SAMD11: variants seen among roughly 807,000 people sequenced by gnomAD.
SAMD11 encodes the protein sterile alpha motif domain-containing protein 11.
SAMD11 carries 77 observed loss-of-function variants against 64.4 expected under a neutral mutation model. The ratio of observed to expected loss-of-function variants is 1.20; its 90% CI spans 0.99 to 1.44. The LOEUF (loss-of-function observed/expected upper bound fraction) is 1.44, where lower values mean the gene tolerates loss of function less well. Among genes scored for constraint, SAMD11 ranks in the 40% most tolerant of loss-of-function variants. The pLI is 0.00. For missense variants in SAMD11, 1,402 were observed against 943.3 expected (o/e 1.49, Z -6.37); for synonymous variants, 658 against 421.9 (o/e 1.56, Z -6.86).
intron 2 of SAMD11, among the ~76,000 whole-genome samples, chr1:929,072 C>T (rs533317162): frequency 2.0e-5 from 3 of 152,366 alleles, no homozygotes; most frequent in African/African-American, 2.4e-5. Flanking sequence ...AAAAAAGCCT[C>T]CCGCCCACTG....
Position 944,171 on chromosome 1 carries a change from G to A in SAMD11, c.*18G>A, listed in dbSNP as rs748509066. ...TGTGTTGAGGTTGCCGGGGGTAGGG[G>A]TGGGGCCACACAAATCTCCAGGAGC... On this transcript the variant is annotated 3_prime_UTR_variant, in exon 14 of 14. Transcript: ENST00000616016. 1.3e-6 allele frequency: 2 copies of A among 1,525,058 alleles called. No individual in the cohort carries two copies. The highest frequency in any genetic ancestry group is 1.8e-6 in the Non-Finnish European group (2 of 1,136,088). 94.5% of individuals were successfully genotyped at this position (1,525,058 alleles called of 1,614,324 possible).
intron 7 of SAMD11, 165 bp downstream of exon 7, chr1:939,577 G>T (rs892196205): frequency 2.1e-4 from 72 of 341,586 alleles, no homozygotes; most frequent in Non-Finnish European, 2.9e-4. Flanking sequence ...AGGTCCCTCT[G>T]CCACACGTCC....
Position 942,238 on chromosome 1 carries a change from G to C in SAMD11, c.1461G>C (p.Leu487=). Reference sequence around the variant, plus strand: ...CCTTCCTGGGGGTGCCCTCGGCTCTGTGCCAGACCCCAGGTGAGGAGGCGG... The same window carrying C: ...CCTTCCTGGGGGTGCCCTCGGCTCTCTGCCAGACCCCAGGTGAGGAGGCGG... ...RPPFLGVPSA[L]CQTPGYGFLP... The change falls in exon 9 of 14, where the codon CTG becomes CTC. Residue 487 remains leucine (L), a synonymous_variant. Transcript: ENST00000616016. 7.5e-7 allele frequency: 1 copy of C among 1,335,492 alleles called. No homozygotes were observed. The highest frequency in any genetic ancestry group is 9.7e-7 in the Non-Finnish European group (1 of 1,029,334). The allele number at this position is 1,335,492 out of a possible 1,614,324, so 82.7% of individuals were successfully genotyped here.
At chr1:932,874 C>T (rs1049327846) in intron 4 of SAMD11, among the ~76,000 whole-genome samples, 5 of 152,224 alleles carry the variant, frequency 3.3e-5, no homozygotes, top group Non-Finnish European at 5.9e-5. Flanking sequence ...TGTTTGCAGG[C>T]GGGGGCTTGG....
At position 942,227 on chromosome 1, in the gene SAMD11, C is replaced by T. The variant is rs758954572; in HGVS notation, c.1450C>T (p.Pro484Ser). 8.1e-6 allele frequency: 11 copies of T among 1,351,278 alleles called. No individual in the cohort carries two copies. The highest frequency in any genetic ancestry group is 5.7e-5 in the East Asian group (2 of 35,172). The allele number at this position is 1,351,278 out of a possible 1,614,324, so 83.7% of individuals were successfully genotyped here. A position where few individuals can be genotyped will look rare whatever the true frequency, so the allele number is the denominator to read the frequency against. The change falls in exon 9 of 14, where the codon CCC becomes TCC. Residue 484 changes from proline to serine, a missense_variant. Pro to Ser is a moderately conservative substitution (Grantham distance 74). Transcript: ENST00000616016. Reference sequence around the variant, plus strand: ...TCTCAGGCCCCCCTTCCTGGGGGTGCCCTCGGCTCTGTGCCAGACCCCAGG... The same window carrying T: ...TCTCAGGCCCCCCTTCCTGGGGGTGTCCTCGGCTCTGTGCCAGACCCCAGG... ...PHLRPPFLGV[P>S]SALCQTPGYG...
chr1:941,144 A>C lies in SAMD11; in HGVS notation c.1196A>C (p.Asp399Ala). The C allele has an allele frequency of 6.3e-7, 1 of 1,596,940 alleles. No individual in the cohort carries two copies. Residue 399 changes from aspartate to alanine, a missense_variant and splice_region_variant, in exon 8 of 14, where the codon GAT (aspartate) becomes GCT (alanine). Coordinates refer to ENST00000616016, the MANE Select transcript of SAMD11 (RefSeq NM_001385641.1). ...RLYHLGLPSH[D>A]LLRVRQEVAA... ...ATCACTGCTGTTGTCCCCCACCCAG[A>C]TCTCCTGAGGGTCCGGCAGGAGGTG...
At chr1:931,146 C>T (rs1641150836) in intron 4 of SAMD11, 57 bp downstream of exon 4, 11 of 1,522,764 alleles carry the variant, frequency 7.2e-6, no homozygotes, top group Admixed American at 1.7e-5. Flanking sequence ...CCCTCCCTCC[C>T]ACCCCTGACC....
At chr1:937,399 C>A (rs1249248279) in intron 5 of SAMD11, among the ~76,000 whole-genome samples, 1 of 30,714 alleles carries the variant, frequency 3.3e-5, no homozygotes, top group Non-Finnish European at 5.4e-5. Context: ...TCCACCTGCC[C>A]CCCCCCCCAC....
chr1:944,155 G>A lies in SAMD11; in HGVS notation c.*2G>A, dbSNP rs777442158. On this transcript the variant is annotated 3_prime_UTR_variant, in exon 14 of 14. Coordinates refer to ENST00000616016, the MANE Select transcript of SAMD11 (RefSeq NM_001385641.1). ...GACCCTTCCCAGCCTCTGTGTTGAG[G>A]TTGCCGGGGGTAGGGGTGGGGCCAC... 13 of 1,544,524 alleles carry A rather than the reference G, an allele frequency of 8.4e-6. No homozygotes were observed. The highest frequency in any genetic ancestry group is 1.7e-4 in the Middle Eastern group (1 of 5,774).
At chr1:942,528 G>A in intron 10 of SAMD11, 31 bp from the exon 11 acceptor site, 2 of 1,427,242 alleles carry the variant, frequency 1.4e-6, no homozygotes, top group Non-Finnish European at 1.8e-6. Flanking sequence ...CGGCCCGGGA[G>A]GCGGCTGACC....
chr1:939,969 C>T (rs1641660106), intron 7 of SAMD11, among the ~76,000 whole-genome samples: 1 of 152,224 alleles, frequency 6.6e-6, no homozygotes, highest in East Asian at 1.9e-4. Context: ...TCAGGACGTT[C>T]TCCAGGGGTC....
chr1:927,326 C>T (rs1439739874), intron 2 of SAMD11, among the ~76,000 whole-genome samples: 4 of 152,156 alleles, frequency 2.6e-5, no homozygotes, highest in Non-Finnish European at 5.9e-5. Flanking sequence ...ATTTGAGCGG[C>T]CCCCTTGAGG....
chr1:927,629 C>T (rs1475349720), intron 2 of SAMD11, among the ~76,000 whole-genome samples: 1 of 152,260 alleles, frequency 6.6e-6, no homozygotes, highest in East Asian at 1.9e-4. Context: ...CATGCCAAAT[C>T]CGCAGGCATG....
At chr1:943,477 C>T in intron 12 of SAMD11, 100 bp downstream of exon 12, 1 of 1,123,030 alleles carries the variant, frequency 8.9e-7, no homozygotes, top group Non-Finnish European at 1.3e-6. Context: ...CCAACGCCCT[C>T]TCCCTCCCCA....
chr1:937,820 G>A (rs542702321), intron 5 of SAMD11, among the ~76,000 whole-genome samples: 2 of 152,374 alleles, frequency 1.3e-5, no homozygotes, highest in African/African-American at 2.4e-5. Flanking sequence ...GGATCAATAA[G>A]TTATTAGCAC....
At chr1:943,401 G>C (rs752997619) in intron 12 of SAMD11, 24 bp downstream of exon 12, 5 of 1,508,194 alleles carry the variant, frequency 3.3e-6, no homozygotes, top group Admixed American at 4.3e-5. Flanking sequence ...CCAGTTCCTG[G>C]GGCGGGGCTG....
At position 939,138 on chromosome 1, in the gene SAMD11, G is replaced by T; in HGVS notation, c.1057+9G>T. 1 of 1,578,512 alleles carries T rather than the reference G, an allele frequency of 6.3e-7. No individual in the cohort carries two copies. On this transcript the variant is annotated intron_variant, in intron 6 of 13. Coordinates refer to ENST00000616016, the MANE Select transcript of SAMD11 (RefSeq NM_001385641.1). ...AAGCGAATCGCCTCAAGGTAAGAGCGTGGCTGGGACGAGAGACAGGTCACC... is the reference window on the plus strand; with the variant it reads ...AAGCGAATCGCCTCAAGGTAAGAGCTTGGCTGGGACGAGAGACAGGTCACC...
intron 2 of SAMD11, 89 bp from the exon 3 acceptor site, chr1:930,065 TG>T (rs1346833240): frequency 7.0e-7 from 1 of 1,424,474 alleles, no homozygotes; most frequent in Non-Finnish European, 9.4e-7. Flanking sequence ...CCCCGGGAGA[TG>T]GAACGGCCCG....
chr1:928,441 C>T (rs1641013493), intron 2 of SAMD11, among the ~76,000 whole-genome samples: 1 of 152,248 alleles, frequency 6.6e-6, no homozygotes, highest in African/African-American at 2.4e-5. Flanking sequence ...GTCAGAGCCT[C>T]TAAGCCCTGG....
Sources: gnomAD v4.1 joint callset for allele counts (sites outside exome capture counted in the v4.1 genomes callset) on GRCh38, gnomAD v4.1.1 for gene constraint, MANE v1.5 for transcripts, NCBI Gene and HGNC (gene_info 2026-07-23, HGNC 2026-07-21) for gene names.